Variants in DRC11 observed in about 807,000 individuals in gnomAD.
DRC11 encodes the protein dynein regulatory complex subunit 11.
the DRC11 span, among the ~76,000 whole-genome samples, chr2:236,359,116 C>T: frequency 1.5e-4 from 23 of 152,086 alleles, no homozygotes; most frequent in East Asian, 3.9e-4. The surrounding 1 kb of genome is among the most constrained non-coding windows in gnomAD (Gnocchi z 4.3). Flanking sequence ...GAGCAGAGGA[C>T]GCTTCAGCGG....
the DRC11 span, among the ~76,000 whole-genome samples, chr2:236,474,288 A>G: frequency 6.6e-6 from 1 of 152,174 alleles, no homozygotes; most frequent in African/African-American, 2.4e-5. Context: ...TTCAAACTGT[A>G]TTGCTGAAAA....
the DRC11 span, among the ~76,000 whole-genome samples, chr2:236,359,582 T>C: frequency 1.3e-5 from 2 of 152,184 alleles, no homozygotes; most frequent in Admixed American, 1.3e-4. The surrounding 1 kb of genome is among the most constrained non-coding windows in gnomAD (Gnocchi z 4.3). Context: ...TTTCACCTTC[T>C]CCTGCAAATG....
At chr2:236,378,449 G>A in the DRC11 span, among the ~76,000 whole-genome samples, 7 of 152,056 alleles carry the variant, frequency 4.6e-5, no homozygotes, top group East Asian at 1.9e-4. Flanking sequence ...TAGGGTGGGC[G>A]GATCATTTGA....
the DRC11 span, among the ~76,000 whole-genome samples, chr2:236,379,135 A>T: frequency 6.6e-6 from 1 of 152,314 alleles, no homozygotes; most frequent in South Asian, 2.1e-4. Flanking sequence ...AGAGAGCTCT[A>T]GGCAGGGCTT....
At chr2:236,348,764 C>G in the DRC11 span, among the ~76,000 whole-genome samples, 1 of 152,102 alleles carries the variant, frequency 6.6e-6, no homozygotes, top group Non-Finnish European at 1.5e-5. This position sits in a 1 kb window ranked among gnomAD's most constrained non-coding sequence, Gnocchi z 7.4. Flanking sequence ...CAGGAAGCCC[C>G]GCTCGGAAGC....
At chr2:236,431,505 A>T in the DRC11 span, among the ~76,000 whole-genome samples, 3 of 152,214 alleles carry the variant, frequency 2.0e-5, no homozygotes, top group Admixed American at 2.0e-4. The surrounding 1 kb of genome is among the most constrained non-coding windows in gnomAD (Gnocchi z 4.2). Flanking sequence ...ACCTCCTAAC[A>T]GGTCCATCCC....
chr2:236,330,195 T>G, the DRC11 span, among the ~76,000 whole-genome samples: 1 of 152,224 alleles, frequency 6.6e-6, no homozygotes, highest in Admixed American at 6.5e-5. This position sits in a 1 kb window ranked among gnomAD's most constrained non-coding sequence, Gnocchi z 5.5. Flanking sequence ...AGTTACATTT[T>G]TTTTTCAGCC....
the DRC11 span, among the ~76,000 whole-genome samples, chr2:236,443,016 A>G: frequency 2.6e-5 from 4 of 152,282 alleles, no homozygotes; most frequent in African/African-American, 9.6e-5. This position sits in a 1 kb window ranked among gnomAD's most constrained non-coding sequence, Gnocchi z 4.4. Flanking sequence ...TGTTTCTTGG[A>G]GACAATCTTC....
At chr2:236,472,168 G>A in the DRC11 span, among the ~76,000 whole-genome samples, 74 of 152,084 alleles carry the variant, frequency 4.9e-4, no homozygotes, top group Non-Finnish European at 5.6e-4. The surrounding 1 kb of genome is among the most constrained non-coding windows in gnomAD (Gnocchi z 4.6). Context: ...GCTTCCAGGC[G>A]TCCTTCTTGA....
the DRC11 span, among the ~76,000 whole-genome samples, chr2:236,388,253 G>A: frequency 6.6e-6 from 1 of 151,390 alleles, no homozygotes; most frequent in African/African-American, 2.4e-5. Context: ...ATCCTGCAGA[G>A]TGTTTTCCAA....
At chr2:236,452,142 C>T in the DRC11 span, among the ~76,000 whole-genome samples, 7 of 152,176 alleles carry the variant, frequency 4.6e-5, no homozygotes, top group African/African-American at 1.7e-4. This position sits in a 1 kb window ranked among gnomAD's most constrained non-coding sequence, Gnocchi z 4.7. Context: ...CGTATGCCTG[C>T]TATCTTTCAG....
chr2:236,501,409 GAAC>G, the DRC11 span, among the ~76,000 whole-genome samples: 35 of 152,076 alleles, frequency 2.3e-4, no homozygotes, highest in African/African-American at 8.0e-4. Context: ...CACTGATCAG[GAAC>G]AACAACAACC....
the DRC11 span, among the ~76,000 whole-genome samples, chr2:236,477,430 C>T: frequency 6.6e-6 from 1 of 152,244 alleles, no homozygotes; most frequent in East Asian, 1.9e-4. Flanking sequence ...TCCTCACTGT[C>T]TTCAAATTGA....
At chr2:236,495,635 G>A in the DRC11 span, among the ~76,000 whole-genome samples, 8 of 152,280 alleles carry the variant, frequency 5.3e-5, no homozygotes, top group East Asian at 1.5e-3. This position sits in a 1 kb window ranked among gnomAD's most constrained non-coding sequence, Gnocchi z 5.6. Flanking sequence ...GTTTAAGGAA[G>A]GATTTGGGGA....
At chr2:236,459,488 T>C in the DRC11 span, among the ~76,000 whole-genome samples, 1 of 134,202 alleles carries the variant, frequency 7.5e-6, no homozygotes, top group Admixed American at 7.4e-5. Flanking sequence ...AAAAAATATG[T>C]ATACGTATAT....
the DRC11 span, among the ~76,000 whole-genome samples, chr2:236,356,906 T>G: frequency 7.8e-6 from 1 of 128,434 alleles, no homozygotes; most frequent in East Asian, 2.1e-4. Flanking sequence ...TATGTATATT[T>G]ATATATTATA....
chr2:236,396,280 T>TG, the DRC11 span, among the ~76,000 whole-genome samples: 4 of 73,242 alleles, frequency 5.5e-5, no homozygotes, highest in East Asian at 1.5e-3. Flanking sequence ...GTTTCACACG[T>TG]GGGGGGGCAA....
chr2:236,432,233 T>C, the DRC11 span, among the ~76,000 whole-genome samples: 1 of 152,198 alleles, frequency 6.6e-6, no homozygotes, highest in Admixed American at 6.5e-5. Context: ...CCTTTGTGAA[T>C]TGTCTGTTCA....
the DRC11 span, among the ~76,000 whole-genome samples, chr2:236,421,002 T>A: frequency 6.6e-6 from 1 of 152,220 alleles, no homozygotes; most frequent in Non-Finnish European, 1.5e-5. Flanking sequence ...TTTGAATGTG[T>A]CCCAGAGATT....
Sources: allele counts gnomAD v4.1 joint callset (sites outside exome capture counted in the v4.1 genomes callset), GRCh38; gene constraint gnomAD v4.1.1; non-coding constraint Gnocchi (gnomAD v3.1); transcripts MANE v1.5; gene names NCBI Gene and HGNC (gene_info 2026-07-23, HGNC 2026-07-21).